SEMA3A: variants seen among roughly 807,000 people sequenced by gnomAD.
The protein encoded by SEMA3A is semaphorin-3A.
In SEMA3A, 29 loss-of-function variants were observed where a neutral mutation model predicts 97.9. That is an observed-to-expected ratio of 0.30 (90% confidence interval 0.22 to 0.40). The LOEUF (loss-of-function observed/expected upper bound fraction) is 0.40, where lower values mean the gene tolerates loss of function less well. Among genes scored for constraint, SEMA3A ranks in the 10% least tolerant of loss-of-function variants. The pLI, the probability that SEMA3A is intolerant of heterozygous loss-of-function variation, is 1.00. For synonymous variants in SEMA3A, 321 were observed against 323.7 expected, an observed-to-expected ratio of 0.99 and a Z score of 0.09; for missense variants, 763 against 951.3, an observed-to-expected ratio of 0.80 and a Z score of 2.60.
intron 1 of SEMA3A, among the ~76,000 whole-genome samples, chr7:84,158,854 A>G (rs1269762449): frequency 2.0e-5 from 3 of 152,260 alleles, no homozygotes; most frequent in Non-Finnish European, 4.4e-5. Flanking sequence ...AATATCCACA[A>G]GATAATAGCA....
chr7:84,311,864 T>C (rs986739640), intron 2 of SEMA3A, among the ~76,000 whole-genome samples: 4 of 151,888 alleles, frequency 2.6e-5, no homozygotes, highest in Non-Finnish European at 5.9e-5. Flanking sequence ...TTACAGACAA[T>C]TGTAATGAAG....
intron 3 of SEMA3A, among the ~76,000 whole-genome samples, chr7:84,240,673 G>C (rs910987637): frequency 6.6e-6 from 1 of 152,120 alleles, no homozygotes; most frequent in Non-Finnish European, 1.5e-5. Flanking sequence ...TTGTTCCATA[G>C]GTATACATGT....
intron 4 of SEMA3A, among the ~76,000 whole-genome samples, chr7:84,107,988 C>G (rs1337304936): frequency 6.6e-6 from 1 of 152,014 alleles, no homozygotes; most frequent in East Asian, 1.9e-4. Context: ...GCAAGCAAAA[C>G]AGCAACACAG....
At chr7:84,456,353 T>C (rs1805683861) in intron 1 of SEMA3A, among the ~76,000 whole-genome samples, 1 of 151,852 alleles carries the variant, frequency 6.6e-6, no homozygotes, top group South Asian at 2.1e-4. Flanking sequence ...AAGAATAATC[T>C]AATTCATAGT....
At chr7:83,993,443 G>C (rs988681732) in intron 12 of SEMA3A, among the ~76,000 whole-genome samples, 5 of 151,826 alleles carry the variant, frequency 3.3e-5, no homozygotes, top group Middle Eastern at 3.4e-3. Flanking sequence ...TGATTTTGCA[G>C]TGGCTGGTAC....
chr7:84,099,070 TTTTTC>T (rs1794866124), intron 4 of SEMA3A, among the ~76,000 whole-genome samples: 1 of 49,366 alleles, frequency 2.0e-5, no homozygotes, highest in African/African-American at 4.2e-5. Flanking sequence ...ATTTTCTTTT[TTTTTC>T]TTTTTTTTTT....
intron 3 of SEMA3A, among the ~76,000 whole-genome samples, chr7:84,210,006 T>C (rs950482855): frequency 2.0e-5 from 3 of 152,186 alleles, no homozygotes; most frequent in African/African-American, 7.2e-5. Context: ...GACAATAATG[T>C]ACATGTTCAA....
intron 3 of SEMA3A, among the ~76,000 whole-genome samples, chr7:84,227,230 C>A (rs976980121): frequency 1.3e-5 from 2 of 151,566 alleles, no homozygotes; most frequent in Non-Finnish European, 2.9e-5. Context: ...GATTCAACAG[C>A]CAACAGCACA....
intron 1 of SEMA3A, among the ~76,000 whole-genome samples, chr7:84,186,702 T>C (rs150341577): frequency 2.0e-5 from 3 of 151,796 alleles, no homozygotes; most frequent in Non-Finnish European, 2.9e-5. Context: ...CTAGTAGTTG[T>C]CCCATTGTCC....
At chr7:84,447,022 G>A (rs1452203655) in intron 1 of SEMA3A, among the ~76,000 whole-genome samples, 3 of 152,196 alleles carry the variant, frequency 2.0e-5, no homozygotes, top group Non-Finnish European at 4.4e-5. Flanking sequence ...AGGCTTGGAA[G>A]TGCTTGCTCC....
chr7:84,445,879 A>T lies in SEMA3A; in HGVS notation c.-246+46581T>A, dbSNP rs146885699. On this transcript the variant is annotated intron_variant, in intron 1 of 3. Coordinates refer to the SEMA3A transcript ENST00000424555. Reference sequence around the variant, plus strand: ...AAGAGGAAAACAAAATAGAAAAGATAAAAAAAAAGAATGAAGAAAAGCAAT... The same window carrying T: ...AAGAGGAAAACAAAATAGAAAAGATTAAAAAAAAGAATGAAGAAAAGCAAT... Among the ~76,000 whole-genome samples the T allele has an allele frequency of 2.5e-3, 382 of 151,130 alleles. 4 individuals are homozygous for T. The highest frequency in any genetic ancestry group is 9.1e-3 in the African/African-American group (375 of 41,266).
intron 1 of SEMA3A, among the ~76,000 whole-genome samples, chr7:84,410,345 T>C (rs989725070): frequency 1.3e-5 from 2 of 152,144 alleles, no homozygotes; most frequent in African/African-American, 4.8e-5. Flanking sequence ...TCTATAATTT[T>C]CAAGATAAAA....
chr7:84,146,774 G>C (rs1057133512), intron 1 of SEMA3A, among the ~76,000 whole-genome samples: 5 of 152,124 alleles, frequency 3.3e-5, no homozygotes, highest in African/African-American at 1.2e-4. Flanking sequence ...TTAATGCTTT[G>C]AGTGATGGGC....
At chr7:84,286,364 T>C (rs980923405) in intron 3 of SEMA3A, among the ~76,000 whole-genome samples, 2 of 152,180 alleles carry the variant, frequency 1.3e-5, no homozygotes, top group African/African-American at 4.8e-5. Flanking sequence ...GGAGTGGGCA[T>C]AGAATTTCAT....
intron 1 of SEMA3A, among the ~76,000 whole-genome samples, chr7:84,419,276 T>C (rs1008728855): frequency 6.6e-5 from 10 of 152,118 alleles, no homozygotes; most frequent in African/African-American, 2.4e-4. Flanking sequence ...GTCAAGAACA[T>C]GAAAGAAGCA....
At chr7:84,076,316 T>C (rs886320975) in intron 4 of SEMA3A, among the ~76,000 whole-genome samples, 9 of 152,080 alleles carry the variant, frequency 5.9e-5, no homozygotes, top group African/African-American at 1.9e-4. Flanking sequence ...CATGGTGTGA[T>C]TGTTCCACTT....
chr7:84,052,532 G>T (rs909390318), intron 5 of SEMA3A, among the ~76,000 whole-genome samples: 4 of 152,064 alleles, frequency 2.6e-5, no homozygotes, highest in Non-Finnish European at 5.9e-5. Flanking sequence ...ATGGTAGTTT[G>T]TATTTATGTG....
chr7:84,198,538 T>C (rs936389340), upstream of SEMA3A, among the ~76,000 whole-genome samples: 1 of 152,216 alleles, frequency 6.6e-6, no homozygotes, highest in East Asian at 1.9e-4. Context: ...TTATTTAAGG[T>C]ATAAGTGAAA....
Position 84,202,736 on chromosome 7 carries a change from T to C in SEMA3A, c.-82-8068A>G, listed in dbSNP as rs1156467269. 3.9e-5 allele frequency among the ~76,000 whole-genome samples: 6 copies of C among 152,314 alleles called. No homozygotes were observed. The South Asian group carries it at 8.3e-4, about 21-fold the overall frequency. ...ATTCATTCAACAAAATTTTGAGATA[T>C]GTTTAGGCGCCAGTCTTTGTGACTT... On this transcript the variant is annotated intron_variant, in intron 3 of 3. Transcript: ENST00000424555.
Sources: gnomAD v4.1 joint callset for allele counts (sites outside exome capture counted in the v4.1 genomes callset) on GRCh38, gnomAD v4.1.1 for gene constraint, MANE v1.5 for transcripts, NCBI Gene and HGNC (gene_info 2026-07-23, HGNC 2026-07-21) for gene names.